ITIH1: variants seen among roughly 807,000 people sequenced by gnomAD.
ITIH1 encodes inter-alpha-trypsin inhibitor heavy chain 1, also known as inter-alpha-trypsin inhibitor heavy chain H1.
ITIH1 carries 94 observed loss-of-function variants against 104.6 expected under a neutral mutation model. The ratio of observed to expected loss-of-function variants is 0.90; its 90% confidence interval spans 0.76 to 1.07. ITIH1 has a LOEUF of 1.07. ITIH1 is among the 50% of genes least tolerant of loss of function. The pLI, the probability that ITIH1 is intolerant of heterozygous loss-of-function variation, is 0.00. For missense variants in ITIH1, 1,193 were observed against 1,181.4 expected (o/e 1.01, Z -0.14); for synonymous variants, 455 against 464.4 (o/e 0.98, Z 0.26).
chr3:52,790,763 T>C lies in ITIH1; in HGVS notation c.2336T>C (p.Ile779Thr), dbSNP rs370474214. Residue 779 changes from isoleucine to threonine, a missense_variant, in exon 20 of 22, where the codon ATC becomes ACC. Transcript: ENST00000273283. ...TGGCTCTGCAGGGTGGTGGTGACCA[T>C]CAACAAGAAGAGGAACCTGGTGGTG... is the stretch of plus-strand genomic sequence containing the variant. Reference protein sequence around the residue: ...VLRQDGVVVTINKKRNLVVSV... With the variant: ...VLRQDGVVVTTNKKRNLVVSV... 1.9e-6 allele frequency: 3 copies of C among 1,612,114 alleles called. No homozygotes were observed. Among genetic ancestry groups the C allele is most frequent in the Non-Finnish European group, 2.5e-6 (3 of 1,179,312 alleles).
rs202244858 is a variant in ITIH1 at position 52,781,321 on chromosome 3, C to T, written c.688-619C>T. The stretch of plus-strand genomic sequence containing the variant: ...TTCTTCTGCTTCTTCTTCTCCTTCT[C>T]CTTCTTCTTCTTCTATCTTCTCTTC... On this transcript the variant is annotated intron_variant, in intron 6 of 21. Coordinates refer to ENST00000273283, the MANE Select transcript of ITIH1 (RefSeq NM_002215.4). Among the ~76,000 whole-genome samples, 25 of 113,326 alleles carry T rather than the reference C, an allele frequency of 2.2e-4. 1 individual carries two copies. The highest frequency in any genetic ancestry group is 2.5e-4 in the Non-Finnish European group (13 of 51,586). 74.3% of individuals were successfully genotyped at this position (113,326 alleles called of 152,430 possible). A position where few individuals can be genotyped will look rare whatever the true frequency, so the allele number is the denominator to read the frequency against.
intron 19 of ITIH1, 29 bp from the exon 20 acceptor site, chr3:52,790,720 C>A (rs370551068): frequency 3.1e-6 from 5 of 1,604,908 alleles, no homozygotes; most frequent in South Asian, 2.2e-5. Flanking sequence ...TGCAGCCGCA[C>A]CTGCCCTCTC....
chr3:52,785,160 G>C lies in ITIH1; in HGVS notation c.1524G>C (p.Glu508Asp), dbSNP rs1243467213. 6.2e-7 allele frequency: 1 copy of C among 1,614,034 alleles called. No homozygotes were observed. The highest frequency in any genetic ancestry group is 8.5e-7 in the Non-Finnish European group (1 of 1,180,022). Residue 508 changes from glutamate to aspartate, a missense_variant, in exon 12 of 22, where the codon GAG becomes GAC. Glu to Asp is a conservative substitution (Grantham distance 45, BLOSUM62 2). Transcript: ENST00000273283. ...NHHKQYYEGS[E>D]IVVAGRIADN... ...ATAAACAGTACTACGAAGGCTCAGAGATTGTGGTGGCCGGGCGCATTGCTG... is the reference window on the plus strand; with the variant it reads ...ATAAACAGTACTACGAAGGCTCAGACATTGTGGTGGCCGGGCGCATTGCTG...
chr3:52,784,884 A>T (rs1699159534), intron 11 of ITIH1, among the ~76,000 whole-genome samples, 160 bp from the exon 12 acceptor site: 1 of 150,988 alleles, frequency 6.6e-6, no homozygotes, highest in South Asian at 2.1e-4. Context: ...CAGAAAAAAA[A>T]AAAAAAATCA....
intron 18 of ITIH1, 60 bp from the exon 19 acceptor site, chr3:52,789,593 C>A: frequency 6.7e-7 from 1 of 1,487,176 alleles, no homozygotes; most frequent in Non-Finnish European, 9.4e-7. Context: ...AGGCATGATC[C>A]TGCTAAGCAA....
rs1189180224 is a variant in ITIH1 at position 52,779,144 on chromosome 3, G to A, written c.410+98G>A. The A allele has an allele frequency of 1.6e-5, 14 of 893,846 alleles. No homozygotes were observed. Among genetic ancestry groups the A allele is most frequent in the Non-Finnish European group, 2.6e-5 (14 of 535,720 alleles). 55.4% of individuals were successfully genotyped at this position (893,846 alleles called of 1,614,324 possible). A position where few individuals can be genotyped will look rare whatever the true frequency, so the allele number is the denominator to read the frequency against. On this transcript the variant is annotated intron_variant, in intron 4 of 21. Coordinates refer to ENST00000273283, the MANE Select transcript of ITIH1 (RefSeq NM_002215.4). This position sits in a 1 kb window ranked among gnomAD's most constrained non-coding sequence, Gnocchi z 4.4. ...GTGGCTTTAGTGGAGAACAGCCCAG[G>A]ATGATGGAAGGGTAAGCAAACTGCC...
At chr3:52,784,020 C>T (rs1033011838) in intron 10 of ITIH1, among the ~76,000 whole-genome samples, 1 of 152,124 alleles carries the variant, frequency 6.6e-6, no homozygotes, top group African/African-American at 2.4e-5. Flanking sequence ...AGCAGGGTCT[C>T]GCAGTCCATG....
chr3:52,779,115 C>T lies in ITIH1; in HGVS notation c.410+69C>T. On this transcript the variant is annotated intron_variant, in intron 4 of 21. Coordinates refer to ENST00000273283, the MANE Select transcript of ITIH1 (RefSeq NM_002215.4). This position sits in a 1 kb window ranked among gnomAD's most constrained non-coding sequence, Gnocchi z 4.4. ...CCAGCCAGGACAGGTCTGATGGCTG[C>T]AAGGTGGCTTTAGTGGAGAACAGCC... is the stretch of plus-strand genomic sequence containing the variant. 1 of 1,143,184 alleles carries T rather than the reference C, an allele frequency of 8.7e-7. No homozygotes were observed. The highest frequency in any genetic ancestry group is 1.3e-6 in the Non-Finnish European group (1 of 752,618). 70.8% of individuals were successfully genotyped at this position (1,143,184 alleles called of 1,614,324 possible). A position where few individuals can be genotyped will look rare whatever the true frequency, so the allele number is the denominator to read the frequency against.
Position 52,781,197 on chromosome 3 carries a change from C to CTT in ITIH1, c.688-731_688-730dup, listed in dbSNP as rs10526848. On this transcript the variant is annotated intron_variant, in intron 6 of 21. Coordinates refer to ENST00000273283, the MANE Select transcript of ITIH1 (RefSeq NM_002215.4). ...TCCTCCTCCTTCACCTCCTCCTCTT[C>CTT]TTTTTTTTTTTTTCTTCTTCTTCTT... Among the ~76,000 whole-genome samples the CTT allele has an allele frequency of 1.7e-3, 118 of 69,276 alleles. 7 individuals are homozygous for CTT. Among genetic ancestry groups the CTT allele is most frequent in the East Asian group, 3.9e-3 (9 of 2,294 alleles). The allele number at this position is 69,276 out of a possible 152,430, so 45.4% of individuals were successfully genotyped here.
rs565845884 is a variant in ITIH1 at position 52,781,442 on chromosome 3, T to C, written c.688-498T>C. On this transcript the variant is annotated intron_variant, in intron 6 of 21. Transcript: ENST00000273283. ...TTTATAACAAACAAAAATTTCTTTA[T>C]AGAAAAATATATGAAGTCCAGGAAT... 8.2e-4 allele frequency among the ~76,000 whole-genome samples: 124 copies of C among 152,112 alleles called. 1 individual carries two copies. Among genetic ancestry groups the C allele is most frequent in the South Asian group, 1.9e-3 (9 of 4,814 alleles).
chr3:52,782,968 A>C lies in ITIH1; in HGVS notation c.942A>C (p.Ala314=). The part of the protein sequence containing the change: ...RGQKVKQTKE[A]LLKILGDMQP... The stretch of plus-strand genomic sequence containing the variant: ...TTCTGTCCTTGCAGACCAAGGAGGC[A>C]CTCCTTAAAATTCTGGGGGACATGC... Residue 314 remains alanine (A), a synonymous_variant, in exon 9 of 22, where the codon GCA becomes GCC. Transcript: ENST00000273283. 6.2e-7 allele frequency: 1 copy of C among 1,613,414 alleles called. No homozygotes were observed. Among genetic ancestry groups the C allele is most frequent in the Admixed American group, 1.7e-5 (1 of 59,964 alleles).
Position 52,789,774 on chromosome 3 carries a change from T to A in ITIH1, c.2241T>A (p.Thr747=), listed in dbSNP as rs1334753616. 6.2e-7 allele frequency: 1 copy of A among 1,614,188 alleles called. No individual in the cohort carries two copies. ...NPATDFQLEV[T]PQNITLNPGF... ...CCACGGACTTTCAGTTGGAAGTGACTCCTCAGAACATTACGCTGAACCCCG... is the reference window on the plus strand; with the variant it reads ...CCACGGACTTTCAGTTGGAAGTGACACCTCAGAACATTACGCTGAACCCCG... Residue 747 remains threonine, a synonymous_variant, in exon 19 of 22, where the codon ACT becomes ACA. Transcript: ENST00000273283.
Position 52,787,105 on chromosome 3 carries a change from G to C in ITIH1, c.1888+6G>C, listed in dbSNP as rs1279110456. 1.2e-6 allele frequency: 2 copies of C among 1,614,122 alleles called. No homozygotes were observed. Among genetic ancestry groups the C allele is most frequent in the African/African-American group, 2.7e-5 (2 of 74,946 alleles). ...CATCGACAAGCCCTCAGAGGGTATAGGCTGCAGGGGTCTACAGAAGGGAGA... is the reference window on the plus strand; with the variant it reads ...CATCGACAAGCCCTCAGAGGGTATACGCTGCAGGGGTCTACAGAAGGGAGA... On this transcript the variant is annotated splice_donor_region_variant and intron_variant, in intron 14 of 21. Coordinates refer to ENST00000273283, the MANE Select transcript of ITIH1 (RefSeq NM_002215.4).
intron 20 of ITIH1, among the ~76,000 whole-genome samples, chr3:52,791,265 G>A (rs1559466978): frequency 1.3e-5 from 2 of 151,876 alleles, no homozygotes; most frequent in African/African-American, 4.8e-5. Flanking sequence ...ATGGGCACCT[G>A]CCCTCAAACC....
chr3:52,778,874 C>A, intron 3 of ITIH1, 68 bp from the exon 4 acceptor site: 1 of 1,217,630 alleles, frequency 8.2e-7, no homozygotes, highest in Non-Finnish European at 1.2e-6. Context: ...CTCACATGGA[C>A]AGGCCCTCTC....
chr3:52,791,873 G>A lies in ITIH1; in HGVS notation c.2698G>A (p.Gly900Ser). 6.2e-7 allele frequency: 1 copy of A among 1,614,122 alleles called. No individual in the cohort carries two copies. Among genetic ancestry groups the A allele is most frequent in the Non-Finnish European group, 8.5e-7 (1 of 1,179,990 alleles). The change falls in exon 22 of 22, where the codon GGT (glycine) becomes AGT (serine). Residue 900 changes from glycine (G) to serine (S), a missense_variant. Physicochemically the swap from Gly to Ser is moderately conservative, Grantham distance 56. Coordinates refer to ENST00000273283, the MANE Select transcript of ITIH1 (RefSeq NM_002215.4). Reference sequence around the variant, plus strand: ...CAACAATGGGGCTGGACTCATCGATGGTGCCTACACTGATTATATCGTCCC... The same window carrying A: ...CAACAATGGGGCTGGACTCATCGATAGTGCCTACACTGATTATATCGTCCC... Reference protein sequence around the residue: ...IHNNGAGLIDGAYTDYIVPDI... With the variant: ...IHNNGAGLIDSAYTDYIVPDI...
rs372593940 is a variant in ITIH1, at chr3:52,783,130, G to T, written c.1099+5G>T. On this transcript the variant is annotated splice_donor_5th_base_variant and intron_variant, in intron 9 of 21. Coordinates refer to ENST00000273283, the MANE Select transcript of ITIH1 (RefSeq NM_002215.4). ...GGGGCTTTTCCCTGGATGAGGGTAA[G>T]GGTGGGGGTCTCAGGCAACCTTGAT... The T allele has an allele frequency of 6.2e-7, 1 of 1,613,004 alleles. No individual in the cohort carries two copies. The highest frequency in any genetic ancestry group is 1.1e-5 in the South Asian group (1 of 91,050).
Position 52,786,902 on chromosome 3 carries a change from C to T in ITIH1, c.1734-43C>T, listed in dbSNP as rs771420538. ...AATGGATAGGTGAAAGGATGAGGGCCGTGCAAGTCGGGGCTTGGAGCCAGC... is the reference window on the plus strand; with the variant it reads ...AATGGATAGGTGAAAGGATGAGGGCTGTGCAAGTCGGGGCTTGGAGCCAGC... On this transcript the variant is annotated intron_variant, in intron 13 of 21. Coordinates refer to ENST00000273283, the MANE Select transcript of ITIH1 (RefSeq NM_002215.4). 6.5e-5 allele frequency: 102 copies of T among 1,566,796 alleles called. 1 individual carries two copies. Among genetic ancestry groups the T allele is most frequent in the Admixed American group, 9.2e-5 (5 of 54,126 alleles).
intron 1 of ITIH1, 22 bp from the exon 2 acceptor site, chr3:52,777,975 T>G: frequency 9.9e-6 from 16 of 1,614,172 alleles, no homozygotes; most frequent in Non-Finnish European, 1.4e-5. Flanking sequence ...CTCTCACACT[T>G]GACCCTGATT....
Sources: allele counts gnomAD v4.1 joint callset (sites outside exome capture counted in the v4.1 genomes callset), GRCh38; gene constraint gnomAD v4.1.1; non-coding constraint Gnocchi (gnomAD v3.1); transcripts MANE v1.5; gene names NCBI Gene and HGNC (gene_info 2026-07-23, HGNC 2026-07-21).